The following RNASEH2B variants were observed in gnomAD, a reference collection of about 807,000 sequenced individuals.
RNASEH2B encodes ribonuclease H2 subunit B.
Under a neutral mutation model 45.0 loss-of-function variants are expected in RNASEH2B, and 36 were observed. That is an observed-to-expected ratio of 0.80 (90% CI 0.61 to 1.06). The LOEUF (loss-of-function observed/expected upper bound fraction) is 1.06, where lower values mean the gene tolerates loss of function less well. RNASEH2B is among the 50% of genes least tolerant of loss of function. The pLI, the probability that RNASEH2B is intolerant of heterozygous loss-of-function variation, is 0.00. For missense variants in RNASEH2B, 361 were observed against 360.3 expected (o/e 1.00, Z -0.02); for synonymous variants, 119 against 125.7 (o/e 0.95, Z 0.35).
intron 6 of RNASEH2B, 31 bp from the exon 7 acceptor site, chr13:50,945,396 C>G: frequency 6.8e-7 from 1 of 1,464,634 alleles, no homozygotes. Flanking sequence ...GTTGAAAATA[C>G]CCTGCCTTTC....
At chr13:50,949,535 G>A in intron 9 of RNASEH2B, 30 bp downstream of exon 9, 1 of 1,598,572 alleles carries the variant, frequency 6.3e-7, no homozygotes, top group South Asian at 1.1e-5. Flanking sequence ...ATATCTTTGG[G>A]GGACTTAGAA....
chr13:50,963,609 ATT>A (rs1952135056), intron 9 of RNASEH2B, among the ~76,000 whole-genome samples: 1 of 152,090 alleles, frequency 6.6e-6, no homozygotes, highest in Non-Finnish European at 1.5e-5. Flanking sequence ...TGCTAGTTCT[ATT>A]ATCTTTGTTA....
At chr13:50,910,368 C>A (rs1459717289) in intron 1 of RNASEH2B, 1 of 384,044 alleles carries the variant, frequency 2.6e-6, no homozygotes. Flanking sequence ...GGGCCCTGAT[C>A]CCCGGTGGCT....
chr13:50,918,668 G>A (rs1951479869), intron 1 of RNASEH2B, among the ~76,000 whole-genome samples: 1 of 152,202 alleles, frequency 6.6e-6, no homozygotes, highest in Admixed American at 6.5e-5. Flanking sequence ...ACTGAAATTA[G>A]TGTTCCTGGA....
intron 2 of RNASEH2B, chr13:50,928,400 A>G (rs1305025126): frequency 1.3e-5 from 2 of 152,238 alleles, no homozygotes; most frequent in African/African-American, 4.8e-5. Flanking sequence ...TTGGTCAGCT[A>G]TATTTAGAAA....
intron 7 of RNASEH2B, among the ~76,000 whole-genome samples, chr13:50,947,196 G>T (rs1482388341): frequency 1.3e-5 from 2 of 152,042 alleles, no homozygotes; most frequent in East Asian, 3.9e-4. Context: ...TTGATTATCT[G>T]CTTGTATTCT....
chr13:50,939,311 C>G (rs960834968), intron 5 of RNASEH2B: 1 of 151,684 alleles, frequency 6.6e-6, no homozygotes, highest in Non-Finnish European at 1.5e-5. Context: ...GAGCCAAGAT[C>G]GCGCCACTGC....
intron 8 of RNASEH2B, 124 bp downstream of exon 8, chr13:50,948,192 C>T: frequency 3.4e-6 from 5 of 1,478,048 alleles, no homozygotes; most frequent in Non-Finnish European, 4.5e-6. Flanking sequence ...TCAGCTATGT[C>T]ATATACTTTG....
chr13:50,963,972 C>T (rs1952139799), intron 9 of RNASEH2B, among the ~76,000 whole-genome samples: 1 of 152,154 alleles, frequency 6.6e-6, no homozygotes, highest in Non-Finnish European at 1.5e-5. Flanking sequence ...CCAGGGCGGG[C>T]AGATCACCTG....
At chr13:50,928,926 TCC>T (rs1438469391) in intron 2 of RNASEH2B, among the ~76,000 whole-genome samples, 1 of 136,636 alleles carries the variant, frequency 7.3e-6, no homozygotes, top group African/African-American at 2.7e-5. Flanking sequence ...CTCTTGTGCC[TCC>T]TCCCTTTTTT....
At position 50,953,920 on chromosome 13, in the gene RNASEH2B, G is replaced by C; in HGVS notation, c.757G>C (p.Asp253His). 1 of 1,603,796 alleles carries C rather than the reference G, an allele frequency of 6.2e-7. No homozygotes were observed. Among genetic ancestry groups the C allele is most frequent in the Non-Finnish European group, 8.5e-7 (1 of 1,170,738 alleles). ...NPPSKKIKLSDEPVEAKEDYT... is the reference protein window; with the variant it reads ...NPPSKKIKLSHEPVEAKEDYT... Reference sequence around the variant, plus strand: ...AATGTTGCAGAAAATAAAGTTATCAGATGAGCCTGTAGAAGCAAAAGAAGA... The same window carrying C: ...AATGTTGCAGAAAATAAAGTTATCACATGAGCCTGTAGAAGCAAAAGAAGA... Residue 253 changes from aspartate (D) to histidine (H), a missense_variant, in exon 10 of 11, where the codon GAT becomes CAT. Physicochemically the swap from Asp to His is moderately conservative, Grantham distance 81. Transcript: ENST00000336617.
At chr13:50,969,431 C>G (rs1296950150) in intron 9 of RNASEH2B, among the ~76,000 whole-genome samples, 1 of 149,582 alleles carries the variant, frequency 6.7e-6, no homozygotes, top group Non-Finnish European at 1.5e-5. Flanking sequence ...GGTGCTACTA[C>G]TTCTATCAGC....
At chr13:50,958,138 T>C (rs1952074447), downstream of RNASEH2B, among the ~76,000 whole-genome samples, 1 of 152,224 alleles carries the variant, frequency 6.6e-6, no homozygotes, top group Non-Finnish European at 1.5e-5. Context: ...CAATTGCTTT[T>C]GAGCACTTAG....
At chr13:50,965,783 C>A (rs1314500819) in intron 9 of RNASEH2B, among the ~76,000 whole-genome samples, 2 of 152,186 alleles carry the variant, frequency 1.3e-5, no homozygotes, top group Non-Finnish European at 2.9e-5. Context: ...TGTGAATTTT[C>A]TTCTGTCAGT....
chr13:50,934,677 G>A lies in RNASEH2B; in HGVS notation c.322-208G>A. ...GTACACCCAAGGTAGATGGTGTGCT[G>A]TGTGGGACTCCAGTGCTCACAGGAG... On this transcript the variant is annotated intron_variant, in intron 4 of 10. Coordinates refer to ENST00000336617, the MANE Select transcript of RNASEH2B (RefSeq NM_024570.4). The A allele has an allele frequency of 6.8e-6, 4 of 590,946 alleles. No individual in the cohort carries two copies. In the South Asian group the frequency reaches 7.9e-5, roughly 12 times the overall value. The allele number at this position is 590,946 out of a possible 1,614,324, so 36.6% of individuals were successfully genotyped here. A position where few individuals can be genotyped will look rare whatever the true frequency, so the allele number is the denominator to read the frequency against.
Position 50,943,877 on chromosome 13 carries a change from C to G in RNASEH2B, c.510+483C>G, listed in dbSNP as rs2137984698. ...GTCATCTTACAGGCAAACCCTGTATCTTAGTGATTCTAAGAATCTTGACCT... is the reference window on the plus strand; with the variant it reads ...GTCATCTTACAGGCAAACCCTGTATGTTAGTGATTCTAAGAATCTTGACCT... On this transcript the variant is annotated intron_variant, in intron 6 of 10. Transcript: ENST00000336617. 1.3e-5 allele frequency among the ~76,000 whole-genome samples: 2 copies of G among 152,262 alleles called. 1 individual carries two copies. The highest frequency in any genetic ancestry group is 4.1e-4 in the South Asian group (2 of 4,824).
intron 1 of RNASEH2B, among the ~76,000 whole-genome samples, chr13:50,919,267 A>G (rs992367300): frequency 6.6e-6 from 1 of 152,268 alleles, no homozygotes; most frequent in Non-Finnish European, 1.5e-5. Context: ...TAGTCTGTAG[A>G]TGAAAAATCA....
rs1453444031 is a variant in RNASEH2B, at chr13:50,945,467, A to G, written c.551A>G (p.Asn184Ser). The change falls in exon 7 of 11, where the codon AAT (asparagine) becomes AGT (serine). Residue 184 changes from asparagine (N) to serine (S), a missense_variant. By Grantham distance (46) the Asn-to-Ser change is conservative. Transcript: ENST00000336617. ...TVAALKTNNV[N>S]VSSRVQSTAF... ...GCAGCATTAAAAACCAATAATGTGA[A>G]TGTCAGTTCCCGGGTACAGTCAACT... 2.5e-6 allele frequency: 4 copies of G among 1,613,784 alleles called. No individual in the cohort carries two copies. The highest frequency in any genetic ancestry group is 3.4e-6 in the Non-Finnish European group (4 of 1,179,714).
intron 5 of RNASEH2B, chr13:50,936,285 A>T (rs1161428714): frequency 6.6e-6 from 1 of 152,236 alleles, no homozygotes; most frequent in East Asian, 1.9e-4. Flanking sequence ...TAATATGGAA[A>T]CAAAGTGTGG....
Sources: gnomAD v4.1 joint callset for allele counts (sites outside exome capture counted in the v4.1 genomes callset) on GRCh38, gnomAD v4.1.1 for gene constraint, MANE v1.5 for transcripts, NCBI Gene and HGNC (gene_info 2026-07-23, HGNC 2026-07-21) for gene names.